The following FIRRM variants were observed in gnomAD, a reference collection of about 807,000 sequenced individuals.
FIRRM encodes the protein FIGNL1-interacting regulator of recombination and mitosis.
chr1:169,805,124 T>C, the FIRRM span, among the ~76,000 whole-genome samples: 3 of 152,208 alleles, frequency 2.0e-5, no homozygotes, highest in Admixed American at 1.3e-4. Context: ...AGAGAGTAAG[T>C]TGGTTTTGTG....
the FIRRM span, among the ~76,000 whole-genome samples, chr1:169,840,659 C>T: frequency 6.6e-6 from 1 of 151,708 alleles, no homozygotes; most frequent in African/African-American, 2.4e-5. Context: ...TACAGGTGCC[C>T]GCCAACACGC....
the FIRRM span, among the ~76,000 whole-genome samples, chr1:169,799,749 A>C: frequency 6.6e-6 from 1 of 152,026 alleles, no homozygotes. Context: ...ATGGGGTTTC[A>C]CCATGTTGGC....
At chr1:169,802,363 T>C in the FIRRM span, among the ~76,000 whole-genome samples, 3 of 152,200 alleles carry the variant, frequency 2.0e-5, no homozygotes, top group South Asian at 4.1e-4. Context: ...TTTAAAAAAA[T>C]TGATGCTATT....
chr1:169,815,054 T>G, the FIRRM span, among the ~76,000 whole-genome samples: 1 of 151,778 alleles, frequency 6.6e-6, no homozygotes, highest in East Asian at 1.9e-4. Context: ...TCCCAGCACT[T>G]TGGGAGGCAG....
the FIRRM span, chr1:169,832,618 T>G: frequency 1.3e-6 from 1 of 793,802 alleles, no homozygotes; most frequent in Non-Finnish European, 2.0e-6. Flanking sequence ...TATTATTTTT[T>G]TTGAGACAGA....
chr1:169,806,187 T>G, the FIRRM span: 1 of 732,162 alleles, frequency 1.4e-6, no homozygotes, highest in Non-Finnish European at 2.2e-6. Context: ...AAACATTTTG[T>G]GTGAATTTAA....
At chr1:169,840,493 C>T in the FIRRM span, among the ~76,000 whole-genome samples, 2 of 150,924 alleles carry the variant, frequency 1.3e-5, no homozygotes, top group African/African-American at 2.4e-5. Context: ...TAAACAGGAT[C>T]GTGTTCTTTT....
At chr1:169,843,640 A>T in the FIRRM span, 2 of 1,350,826 alleles carry the variant, frequency 1.5e-6, no homozygotes, top group African/African-American at 2.9e-5. Flanking sequence ...ATGTGATTGA[A>T]AATTTTTCTT....
chr1:169,847,609 C>T, the FIRRM span: 1 of 1,020,146 alleles, frequency 9.8e-7, no homozygotes, highest in Non-Finnish European at 1.5e-6. Flanking sequence ...CCCACATTTC[C>T]ATCCAAATCT....
the FIRRM span, among the ~76,000 whole-genome samples, chr1:169,843,136 T>C: frequency 6.6e-6 from 1 of 152,244 alleles, no homozygotes; most frequent in African/African-American, 2.4e-5. Flanking sequence ...GCCATACTTT[T>C]GGGAAATGAT....
the FIRRM span, chr1:169,807,947 A>G: frequency 2.5e-6 from 4 of 1,596,384 alleles, no homozygotes; most frequent in Non-Finnish European, 3.4e-6. Context: ...TTGGGCTAAT[A>G]GCATTTTAAA....
At chr1:169,844,146 TA>T in the FIRRM span, among the ~76,000 whole-genome samples, 2 of 152,350 alleles carry the variant, frequency 1.3e-5, no homozygotes, top group Admixed American at 6.5e-5. Context: ...CAGTGTGTAT[TA>T]AAAGATAGCA....
chr1:169,843,768 A>C, the FIRRM span: 1 of 1,571,650 alleles, frequency 6.4e-7, no homozygotes, highest in Non-Finnish European at 8.8e-7. Flanking sequence ...CTGATACTTC[A>C]GGTAAGAATA....
chr1:169,798,323 A>G, the FIRRM span, among the ~76,000 whole-genome samples: 4 of 150,624 alleles, frequency 2.7e-5, no homozygotes, highest in Admixed American at 1.3e-4. Context: ...GCTGGAGTGC[A>G]ATGGCGCGAT....
chr1:169,827,191 G>A, the FIRRM span: 1 of 1,611,186 alleles, frequency 6.2e-7, no homozygotes, highest in Non-Finnish European at 8.5e-7. Context: ...GTTTTGGACA[G>A]TAAATTAGGT....
the FIRRM span, among the ~76,000 whole-genome samples, chr1:169,806,846 T>C: frequency 6.6e-6 from 1 of 152,170 alleles, no homozygotes; most frequent in Admixed American, 6.5e-5. Context: ...CATCTGAAAA[T>C]GGAAATAATA....
the FIRRM span, among the ~76,000 whole-genome samples, chr1:169,817,280 A>C: frequency 6.6e-6 from 1 of 152,210 alleles, no homozygotes; most frequent in Non-Finnish European, 1.5e-5. Context: ...AGAAACCTGC[A>C]TTGAAAAGCA....
chr1:169,803,416 A>AAT, the FIRRM span: 1 of 1,099,782 alleles, frequency 9.1e-7, no homozygotes, highest in East Asian at 2.7e-5. Context: ...ATATTATTGA[A>AAT]ATAAACTTTT....
the FIRRM span, chr1:169,827,020 A>G: frequency 1.9e-6 from 3 of 1,604,354 alleles, no homozygotes; most frequent in Non-Finnish European, 2.6e-6. Context: ...ATAGCTATTA[A>G]TGAATGAGTT....
Sources: gnomAD v4.1 joint callset for allele counts (sites outside exome capture counted in the v4.1 genomes callset) on GRCh38, gnomAD v4.1.1 for gene constraint, MANE v1.5 for transcripts, NCBI Gene and HGNC (gene_info 2026-07-23, HGNC 2026-07-21) for gene names.